RHOT1: variants seen among roughly 807,000 people sequenced by gnomAD.
The protein encoded by RHOT1 is ras homolog family member T1.
RHOT1 carries 27 observed loss-of-function variants against 95.3 expected under a neutral mutation model. The observed-to-expected ratio is 0.28, with a 90% confidence interval of 0.21 to 0.39. The LOEUF is 0.39. Ranked by LOEUF, RHOT1 falls within the 10% of genes least tolerant of loss-of-function variation. The pLI, the probability that RHOT1 is intolerant of heterozygous loss-of-function variation, is 1.00. For missense variants in RHOT1, 578 were observed against 786.7 expected (o/e 0.73, Z 3.17); for synonymous variants, 227 against 263.5 (o/e 0.86, Z 1.34).
At chr17:32,215,615 A>T (rs1413927884) in intron 19 of RHOT1, among the ~76,000 whole-genome samples, 3 of 152,314 alleles carry the variant, frequency 2.0e-5, no homozygotes, top group Non-Finnish European at 4.4e-5. Context: ...CCTGATAATG[A>T]ATTTAGGCAG....
chr17:32,213,779 G>A (rs560644661), intron 19 of RHOT1, among the ~76,000 whole-genome samples: 7 of 152,234 alleles, frequency 4.6e-5, no homozygotes, highest in Admixed American at 2.6e-4. Flanking sequence ...TGTCCCTGGT[G>A]ACAATTTTAT....
At chr17:32,183,014 G>A (rs185154964) in intron 7 of RHOT1, 149 bp downstream of exon 7, 35 of 745,642 alleles carry the variant, frequency 4.7e-5, no homozygotes, top group Middle Eastern at 4.0e-4. Context: ...GTTGGAGTTG[G>A]CCTCTGAACT....
chr17:32,221,062 T>C lies in RHOT1; in HGVS notation c.1863-3554T>C, dbSNP rs909737204. ...GAATTGTGGAAGAATTATTTCTGCTTAAGTTTAGAAATGAGCCAGAAGCGG... is the reference window on the plus strand; with the variant it reads ...GAATTGTGGAAGAATTATTTCTGCTCAAGTTTAGAAATGAGCCAGAAGCGG... On this transcript the variant is annotated intron_variant, in intron 19 of 19. Coordinates refer to ENST00000545287, the MANE Select transcript of RHOT1 (RefSeq NM_001033566.3). The C allele has an allele frequency of 3.0e-6, 3 of 984,012 alleles. No homozygotes were observed. The African/African-American group carries it at 5.2e-5, about 17-fold the overall frequency. 61.0% of individuals were successfully genotyped at this position (984,012 alleles called of 1,614,324 possible).
At chr17:32,222,143 CAG>C (rs1365563962) in intron 19 of RHOT1, among the ~76,000 whole-genome samples, 1 of 152,106 alleles carries the variant, frequency 6.6e-6, no homozygotes, top group Non-Finnish European at 1.5e-5. Context: ...ATGATAATCA[CAG>C]GGAGGCCAAA....
At chr17:32,208,013 T>C in intron 17 of RHOT1, 94 bp from the exon 18 acceptor site, 1 of 1,124,438 alleles carries the variant, frequency 8.9e-7, no homozygotes. Flanking sequence ...CTACTGTTGC[T>C]TTGCCCATCT....
At chr17:32,143,788 C>T (rs1222834392) in intron 1 of RHOT1, among the ~76,000 whole-genome samples, 2 of 152,198 alleles carry the variant, frequency 1.3e-5, no homozygotes, top group Non-Finnish European at 2.9e-5. Context: ...AATAGTCTGC[C>T]ATTGCTGTTT....
intron 8 of RHOT1, among the ~76,000 whole-genome samples, chr17:32,185,914 A>T (rs1234014542): frequency 2.0e-5 from 3 of 150,916 alleles, no homozygotes; most frequent in Non-Finnish European, 4.4e-5. Context: ...TAAAGTCAGG[A>T]TCTCACTATG....
chr17:32,150,845 A>G lies in RHOT1; in HGVS notation c.37+8116A>G, dbSNP rs9906736. On this transcript the variant is annotated intron_variant, in intron 1 of 19. Coordinates refer to ENST00000545287, the MANE Select transcript of RHOT1 (RefSeq NM_001033566.3). ...GGGTCTAAGAGCTGAGGTGGAAGGGAGCTGTAGAAATCTGAAACCACGGGA... is the reference window on the plus strand; with the variant it reads ...GGGTCTAAGAGCTGAGGTGGAAGGGGGCTGTAGAAATCTGAAACCACGGGA... The G allele has an allele frequency of 5.9e-3, 8,942 of 1,522,784 alleles. 449 individuals carry two copies. The African/African-American group carries it at 0.11, about 19-fold the overall frequency. The allele number at this position is 1,522,784 out of a possible 1,614,324, so 94.3% of individuals were successfully genotyped here.
intron 1 of RHOT1, among the ~76,000 whole-genome samples, chr17:32,169,857 A>C (rs1405366932): frequency 6.6e-6 from 1 of 151,962 alleles, no homozygotes; most frequent in Non-Finnish European, 1.5e-5. Context: ...AATACAAAAA[A>C]AATTAGCTGG....
chr17:32,207,931 C>T (rs1376707883), intron 17 of RHOT1, among the ~76,000 whole-genome samples, 176 bp from the exon 18 acceptor site: 1 of 151,978 alleles, frequency 6.6e-6, no homozygotes, highest in Non-Finnish European at 1.5e-5. Context: ...TGATCTGGAT[C>T]TTATTTATTA....
chr17:32,143,594 C>T (rs1598257100), intron 1 of RHOT1, among the ~76,000 whole-genome samples: 1 of 152,320 alleles, frequency 6.6e-6, no homozygotes, highest in East Asian at 1.9e-4. Context: ...CCAGAAATTT[C>T]ATACATTTCA....
intron 1 of RHOT1, among the ~76,000 whole-genome samples, chr17:32,156,320 G>A (rs1470112930): frequency 6.6e-6 from 1 of 152,204 alleles, no homozygotes; most frequent in Admixed American, 6.5e-5. Context: ...AGCTTGGCGT[G>A]CAGTGGTGTG....
At chr17:32,190,857 G>A (rs973985068) in intron 8 of RHOT1, among the ~76,000 whole-genome samples, 1 of 152,096 alleles carries the variant, frequency 6.6e-6, no homozygotes, top group African/African-American at 2.4e-5. Context: ...GTGCAGTGAT[G>A]GAATATCGGC....
intron 3 of RHOT1, among the ~76,000 whole-genome samples, chr17:32,174,350 T>TTTAA (rs2034821406): frequency 6.6e-6 from 1 of 152,256 alleles, no homozygotes; most frequent in South Asian, 2.1e-4. Flanking sequence ...TACTTACCTT[T>TTTAA]TTAAAGGTTG....
chr17:32,203,958 A>C lies in RHOT1; in HGVS notation c.1401A>C (p.Gln467His). The change falls in exon 16 of 20, where the codon CAA (glutamine) becomes CAC (histidine). Residue 467 changes from glutamine (Q) to histidine (H), a missense_variant. By Grantham distance (24) the Gln-to-His change is conservative. Around this residue, in one of 4 missense-constraint regions of RHOT1, gnomAD observed 296 missense variants for 338.5 expected, o/e 0.87. Coordinates refer to ENST00000545287, the MANE Select transcript of RHOT1 (RefSeq NM_001033566.3). ...YAINTVYVYG[Q>H]EKYLLLHDIS... ...TTAACACTGTTTATGTATATGGACA[A>C]GAGAAATACTTGTTGGTAAGAAATT... 6.2e-7 allele frequency: 1 copy of C among 1,605,676 alleles called. No homozygotes were observed. Among genetic ancestry groups the C allele is most frequent in the South Asian group, 1.1e-5 (1 of 89,510 alleles).
chr17:32,209,459 T>C (rs749443222), intron 18 of RHOT1: 2 of 1,400,352 alleles, frequency 1.4e-6, no homozygotes, highest in South Asian at 2.3e-5. Flanking sequence ...AGTTACTTTT[T>C]CTTTATGACT....
chr17:32,224,483 T>C (rs2039024347), intron 19 of RHOT1, 133 bp from the exon 20 acceptor site: 1 of 502,996 alleles, frequency 2.0e-6, no homozygotes, highest in Non-Finnish European at 3.5e-6. Context: ...ATCAATGTTT[T>C]TGATAAGCAT....
rs192861653 is a variant in RHOT1 at position 32,186,760 on chromosome 17, C to T, written c.540+3488C>T. Among the ~76,000 whole-genome samples, 316 of 152,220 alleles carry T rather than the reference C, an allele frequency of 2.1e-3. 1 individual carries two copies. The highest frequency in any genetic ancestry group is 7.4e-3 in the African/African-American group (307 of 41,536). ...CACTGCAGCCTTAACCTCCTGGATT[C>T]AAGCAGTCCTCCCACTCAGCCTCCT... On this transcript the variant is annotated intron_variant, in intron 8 of 19. Transcript: ENST00000545287.
rs146871764 is a variant in RHOT1, at chr17:32,167,756, C to T, written c.38-3287C>T. Among the ~76,000 whole-genome samples the T allele has an allele frequency of 9.9e-4, 151 of 152,264 alleles. 2 individuals carry two copies. In the East Asian group the frequency reaches 0.011, roughly 11 times the overall value. On this transcript the variant is annotated intron_variant, in intron 1 of 19. Coordinates refer to ENST00000545287, the MANE Select transcript of RHOT1 (RefSeq NM_001033566.3). Reference sequence around the variant, plus strand: ...TGATACAAGGCTGTTTCATCTACATCGAAAATCTTGGTTGGGTCGTATAAT... The same window carrying T: ...TGATACAAGGCTGTTTCATCTACATTGAAAATCTTGGTTGGGTCGTATAAT...
Sources: allele counts gnomAD v4.1 joint callset (sites outside exome capture counted in the v4.1 genomes callset), GRCh38; gene constraint gnomAD v4.1.1; regional missense constraint gnomAD v4.1.1; transcripts MANE v1.5; gene names NCBI Gene and HGNC (gene_info 2026-07-23, HGNC 2026-07-21).